The following NTM variants were observed in gnomAD, a reference collection of about 807,000 sequenced individuals.
NTM encodes the protein neurotrimin, also known as IgLON family member 2.
NTM carries 13 observed loss-of-function variants against 42.1 expected under a neutral mutation model. The ratio of observed to expected loss-of-function variants is 0.31; its 90% CI spans 0.20 to 0.49. The LOEUF (loss-of-function observed/expected upper bound fraction) is 0.49. Ranked by LOEUF, NTM falls within the 20% of genes least tolerant of loss-of-function variation. The pLI, the probability that NTM is intolerant of heterozygous loss-of-function variation, is 0.99. For synonymous variants in NTM, 187 were observed against 179.2 expected (o/e 1.04, Z -0.35); for missense variants, 373 against 452.8 (o/e 0.82, Z 1.60).
intron 1 of NTM, among the ~76,000 whole-genome samples, chr11:131,670,358 ACTTT>A (rs780106885): frequency 7.6e-4 from 114 of 150,764 alleles, no homozygotes; most frequent in Admixed American, 3.0e-3. Flanking sequence ...TCTCTCTCTT[ACTTT>A]CTTCCTTCCT....
intron 2 of NTM, among the ~76,000 whole-genome samples, chr11:132,027,560 C>T (rs1365154663): frequency 6.6e-6 from 1 of 152,110 alleles, no homozygotes; most frequent in African/African-American, 2.4e-5. Context: ...TTAAATATTT[C>T]ACTCGACGCT....
At chr11:132,016,219 T>C (rs568610274) in intron 2 of NTM, among the ~76,000 whole-genome samples, 16 of 152,020 alleles carry the variant, frequency 1.1e-4, no homozygotes, top group Admixed American at 6.6e-4. Flanking sequence ...TTTGTTGATA[T>C]CGTATGTTGA....
At chr11:131,462,906 AC>A (rs1293974113) in intron 1 of NTM, among the ~76,000 whole-genome samples, 4 of 151,766 alleles carry the variant, frequency 2.6e-5, no homozygotes, top group Non-Finnish European at 5.9e-5. Flanking sequence ...AAGGTGACAA[AC>A]AAAAGGCTAA....
In NTM at chr11:131,789,560, AAG is replaced by A. The variant is rs1322586592; in HGVS notation, c.83-122002_83-122001del. On this transcript the variant is annotated intron_variant, in intron 1 of 8. Coordinates refer to ENST00000683400, the MANE Select transcript of NTM (RefSeq NM_001352005.2). ...AGAAGAAGAAGAAAAGAAGAAGAAG[AAG>A]AAGAAGAAGAAGAAGAAGAAGAAGA... Among the ~76,000 whole-genome samples, 2 of 25,644 alleles carry A rather than the reference AAG, an allele frequency of 7.8e-5. 1 individual carries two copies. Among genetic ancestry groups the A allele is most frequent in the Non-Finnish European group, 1.4e-4 (2 of 14,420 alleles). The allele number at this position is 25,644 out of a possible 152,430, so 16.8% of individuals were successfully genotyped here. A position where few individuals can be genotyped will look rare whatever the true frequency, so the allele number is the denominator to read the frequency against.
At chr11:132,134,717 A>ATC (rs1473674806) in intron 2 of NTM, among the ~76,000 whole-genome samples, 19 of 41,048 alleles carry the variant, frequency 4.6e-4, no homozygotes, top group African/African-American at 4.4e-3. Flanking sequence ...ATATATATAT[A>ATC]TATATATATA....
At chr11:131,587,875 C>T (rs543303137) in intron 1 of NTM, among the ~76,000 whole-genome samples, 3 of 152,166 alleles carry the variant, frequency 2.0e-5, no homozygotes, top group Non-Finnish European at 2.9e-5. Context: ...TGGTGGAATA[C>T]AAAGTGAGAG....
At chr11:132,259,968 C>T (rs190239039) in intron 4 of NTM, among the ~76,000 whole-genome samples, 266 of 152,062 alleles carry the variant, frequency 1.7e-3, no homozygotes, top group Non-Finnish European at 3.1e-3. Flanking sequence ...AGGCTGGTCT[C>T]GAACACCTGC....
chr11:131,432,839 C>CCTT (rs1565494793), intron 1 of NTM, among the ~76,000 whole-genome samples: 2 of 68,694 alleles, frequency 2.9e-5, no homozygotes, highest in Non-Finnish European at 5.2e-5. Flanking sequence ...ATTTAGCATT[C>CCTT]TTTTTTTTTT....
In NTM at chr11:132,107,589, CA is replaced by C. The variant is rs547989875; in HGVS notation, c.168-38690del. Among the ~76,000 whole-genome samples, 15 of 151,908 alleles carry C rather than the reference CA, an allele frequency of 9.9e-5. No individual in the cohort carries two copies. The South Asian group carries it at 2.9e-3, about 30-fold the overall frequency. On this transcript the variant is annotated intron_variant, in intron 2 of 8. Transcript: ENST00000683400. ...TTCACTTTGTTACCCAGGCTGGTCT[CA>C]AACTCCTAGGGTCAAGTGATCCCCC...
At chr11:131,957,958 G>A (rs889444963) in intron 2 of NTM, among the ~76,000 whole-genome samples, 5 of 152,250 alleles carry the variant, frequency 3.3e-5, no homozygotes, top group Non-Finnish European at 5.9e-5. Context: ...AAATGTTGCT[G>A]TAGGAATGGA....
chr11:131,582,884 C>A (rs1047050273), intron 1 of NTM, among the ~76,000 whole-genome samples: 22 of 152,116 alleles, frequency 1.4e-4, no homozygotes, highest in African/African-American at 4.3e-4. Context: ...CCCACGGAAT[C>A]CCGCTCTGTC....
intron 3 of NTM, among the ~76,000 whole-genome samples, chr11:132,173,235 T>C (rs2076342605): frequency 6.6e-6 from 1 of 152,242 alleles, no homozygotes; most frequent in Non-Finnish European, 1.5e-5. Context: ...GGGCTGGCTA[T>C]GTCCTCTATA....
At chr11:131,643,556 G>A (rs576405687) in intron 1 of NTM, among the ~76,000 whole-genome samples, 53 of 152,098 alleles carry the variant, frequency 3.5e-4, no homozygotes, top group African/African-American at 1.2e-3. Flanking sequence ...TCTCTCTCTC[G>A]TGTCGCACAG....
At chr11:131,575,805 C>T (rs1023569276) in intron 1 of NTM, among the ~76,000 whole-genome samples, 10 of 152,170 alleles carry the variant, frequency 6.6e-5, no homozygotes, top group African/African-American at 2.4e-4. Context: ...GCATTTACCT[C>T]TAACGAACTA....
intron 1 of NTM, among the ~76,000 whole-genome samples, chr11:131,560,908 C>G (rs1296838166): frequency 1.3e-5 from 2 of 152,210 alleles, no homozygotes; most frequent in African/African-American, 4.8e-5. Context: ...GAACAGCCCT[C>G]TTCTTCAAGT....
chr11:131,485,710 A>T (rs1160103972), intron 1 of NTM, among the ~76,000 whole-genome samples: 1 of 152,204 alleles, frequency 6.6e-6, no homozygotes, highest in East Asian at 1.9e-4. Flanking sequence ...GAAGGATCAG[A>T]TTATTCTCCA....
In NTM at chr11:131,733,701, A is replaced by G. The variant is rs558920073; in HGVS notation, c.83-177863A>G. Reference sequence around the variant, plus strand: ...CAGGCACACGCCACTATGCCTGGCTAATTTTTGTATCTTTAGTAGAGATGG... The same window carrying G: ...CAGGCACACGCCACTATGCCTGGCTGATTTTTGTATCTTTAGTAGAGATGG... On this transcript the variant is annotated intron_variant, in intron 1 of 8. Transcript: ENST00000683400. 1.9e-3 allele frequency among the ~76,000 whole-genome samples: 290 copies of G among 152,094 alleles called. No homozygotes were observed. The Middle Eastern group carries it at 0.02, about 11-fold the overall frequency.
chr11:132,189,313 G>A (rs1486202576), intron 3 of NTM, among the ~76,000 whole-genome samples: 2 of 152,136 alleles, frequency 1.3e-5, no homozygotes, highest in South Asian at 2.1e-4. Context: ...ACTTCAACTT[G>A]GAGACACCTG....
intron 1 of NTM, among the ~76,000 whole-genome samples, chr11:131,545,644 A>C (rs1190181745): frequency 6.6e-6 from 1 of 152,216 alleles, no homozygotes; most frequent in South Asian, 2.1e-4. Context: ...GGAGAGAGAC[A>C]TGAAATCAAA....
Sources: allele counts gnomAD v4.1 joint callset (sites outside exome capture counted in the v4.1 genomes callset), GRCh38; gene constraint gnomAD v4.1.1; transcripts MANE v1.5; gene names NCBI Gene and HGNC (gene_info 2026-07-23, HGNC 2026-07-21).